Variants in ZNF177 observed in about 807,000 individuals in gnomAD.
ZNF177 encodes the protein zinc finger protein 177.
In ZNF177, 17 loss-of-function variants were observed where a neutral mutation model predicts 19.4. The observed-to-expected ratio is 0.87, with a 90% confidence interval of 0.60 to 1.31. The LOEUF (loss-of-function observed/expected upper bound fraction) is 1.31, where lower values mean the gene tolerates loss of function less well. ZNF177 is among the 40% of genes most tolerant of loss of function. ZNF177 has a pLI of 0.00. For missense variants in ZNF177, 633 were observed against 561.8 expected, an observed-to-expected ratio of 1.13 and a Z score of -1.28; for synonymous variants, 220 against 188.7, an observed-to-expected ratio of 1.17 and a Z score of -1.36.
chr19:9,378,272 G>A lies in ZNF177; in HGVS notation c.-40G>A, dbSNP rs1490424843. ...GTTCTCCTCTAGCTCTGCCTGCTTA[G>A]GACTCTGCCCAGCCAGGAAGGAAAC... On this transcript the variant is annotated 5_prime_UTR_variant, in exon 2 of 6. It removes the in-frame stop codon of an upstream open reading frame in the 5' UTR. Coordinates refer to ENST00000589262, the Ensembl canonical transcript of ZNF177. The A allele has an allele frequency of 3.1e-6, 5 of 1,612,642 alleles. No individual in the cohort carries two copies. The highest frequency in any genetic ancestry group is 1.3e-5 in the African/African-American group (1 of 74,852).
chr19:9,381,771 T>C (rs777647175), exon 6 of ZNF177: 10 of 1,593,670 alleles, frequency 6.3e-6, no homozygotes, highest in East Asian at 2.2e-5. Context: ...AGAAACTCCA[T>C]GAATGAAATG....
exon 6 of ZNF177, chr19:9,381,235 C>CATG (rs1643770609): frequency 6.2e-7 from 1 of 1,614,010 alleles, no homozygotes; most frequent in Admixed American, 1.7e-5. Context: ...CCTTAAGAAA[C>CATG]ACATGAGATC....
upstream of ZNF177, among the ~76,000 whole-genome samples, chr19:9,372,346 C>T (rs1488307730): frequency 6.6e-6 from 1 of 152,042 alleles, no homozygotes; most frequent in East Asian, 1.9e-4. Flanking sequence ...CAGTTCCTTG[C>T]TTCACGCTTT....
intron 2 of ZNF177, among the ~76,000 whole-genome samples, chr19:9,366,635 A>AT (rs1433151793): frequency 2.6e-5 from 4 of 152,176 alleles, no homozygotes; most frequent in Non-Finnish European, 1.5e-5. Flanking sequence ...GTAGATAGAC[A>AT]TTTGGGTTGT....
At chr19:9,367,323 T>A (rs565701348) in intron 2 of ZNF177, among the ~76,000 whole-genome samples, 109 of 151,676 alleles carry the variant, frequency 7.2e-4, no homozygotes, top group African/African-American at 2.4e-3. Context: ...AAAAAAAAAA[T>A]AAAAATAAAA....
intron 4 of ZNF177, 39 bp downstream of exon 6, chr19:9,379,658 G>A (rs1568384672): frequency 1.2e-6 from 2 of 1,604,210 alleles, no homozygotes; most frequent in South Asian, 2.2e-5. Flanking sequence ...CTTGGCCAGT[G>A]AGGGTTAGTA....
At chr19:9,377,913 T>C (rs1448492636) in intron 1 of ZNF177, among the ~76,000 whole-genome samples, 4 of 152,192 alleles carry the variant, frequency 2.6e-5, no homozygotes, top group African/African-American at 4.8e-5. Flanking sequence ...ATCTTGAAGA[T>C]TTCTTAGTCT....
intron 2 of ZNF177, among the ~76,000 whole-genome samples, chr19:9,369,167 A>ACT (rs2068016808): frequency 2.0e-5 from 3 of 152,114 alleles, no homozygotes; most frequent in Admixed American, 1.3e-4. Flanking sequence ...AGTGTGCTAG[A>ACT]TTAAGCATAC....
At chr19:9,381,347 C>T (rs1426219220) in exon 6 of ZNF177, 2 of 1,613,848 alleles carry the variant, frequency 1.2e-6, no homozygotes, top group Non-Finnish European at 1.7e-6. Flanking sequence ...GGAGAGAAAC[C>T]CTATGACTGT....
In ZNF177 at chr19:9,378,338, GTCACA is replaced by G; in HGVS notation, c.28_32del (p.Ser10GlufsTer37). 6.2e-7 allele frequency: 1 copy of G among 1,613,614 alleles called. No individual in the cohort carries two copies. Among genetic ancestry groups the G allele is most frequent in the Non-Finnish European group, 8.5e-7 (1 of 1,179,788 alleles). ...TGGCTGCAGGGTGGCTGACAACCTG[GTCACA>G]GGTACACAAGAAATTTCTCTATTTC... On this transcript the variant is annotated frameshift_variant and splice_region_variant, in exon 2 of 6. Transcript: ENST00000589262. LOFTEE classifies it high-confidence loss of function.
At chr19:9,377,304 A>G (rs1293514767) in intron 1 of ZNF177, among the ~76,000 whole-genome samples, 1 of 152,154 alleles carries the variant, frequency 6.6e-6, no homozygotes, top group Non-Finnish European at 1.5e-5. Context: ...GTAATAAGTG[A>G]CCACATTACT....
downstream of ZNF177, chr19:9,382,304 G>T: frequency 2.5e-6 from 1 of 398,702 alleles, no homozygotes. Flanking sequence ...CAGCTGCTAA[G>T]GAAGCTCATG....
intron 4 of ZNF177, 63 bp downstream of exon 6, chr19:9,379,682 C>T (rs12461520): frequency 0.57 from 883,626 of 1,555,662 alleles, 253,140 homozygotes; most frequent in Middle Eastern, 0.64. Flanking sequence ...TTGGGAATGT[C>T]ACTCAGTGAA....
rs371553369 is a variant in ZNF177 at position 9,379,626 on chromosome 19, C to G, written c.253+7C>G. 1.5e-5 allele frequency: 25 copies of G among 1,613,042 alleles called. No homozygotes were observed. In the African/African-American group the frequency reaches 3.2e-4, roughly 21 times the overall value. On this transcript the variant is annotated splice_region_variant and intron_variant, in intron 4 of 5. Transcript: ENST00000589262. ...TTACAAGGTGACTGTGCAGGTGAGC[C>G]TTGGGCAGAACAGGGTGCAGCCTTG...
exon 6 of ZNF177, chr19:9,381,455 A>G (rs374814922): frequency 1.2e-6 from 2 of 1,611,618 alleles, no homozygotes; most frequent in Non-Finnish European, 1.7e-6. Context: ...GACTGTGGAA[A>G]AGCCTTCATC....
At chr19:9,364,349 T>C (rs2067947997) in intron 1 of ZNF177, among the ~76,000 whole-genome samples, 1 of 152,174 alleles carries the variant, frequency 6.6e-6, no homozygotes, top group African/African-American at 2.4e-5. Flanking sequence ...ATGAAGTTTG[T>C]GATATGACTG....
chr19:9,381,753 C>T (rs1417523877), exon 6 of ZNF177: 1 of 1,602,804 alleles, frequency 6.2e-7, no homozygotes, highest in African/African-American at 1.3e-5. Flanking sequence ...AGCGAATCCA[C>T]AATGGCCAGA....
chr19:9,370,063 G>C (rs1331248769), intron 2 of ZNF177, among the ~76,000 whole-genome samples: 1 of 152,078 alleles, frequency 6.6e-6, no homozygotes, highest in Non-Finnish European at 1.5e-5. Context: ...TTACTTCTGT[G>C]ATGGTCTTTT....
chr19:9,380,622 T>C (rs1463155735), intron 5 of ZNF177, 46 bp from the exon 8 acceptor site: 4 of 1,535,600 alleles, frequency 2.6e-6, no homozygotes, highest in Non-Finnish European at 3.5e-6. Flanking sequence ...GTGAATAAGG[T>C]GAAAGTGAAA....
Sources: gnomAD v4.1 joint callset for allele counts (sites outside exome capture counted in the v4.1 genomes callset) on GRCh38, gnomAD v4.1.1 for gene constraint, MANE v1.5 for transcripts, NCBI Gene and HGNC (gene_info 2026-07-23, HGNC 2026-07-21) for gene names.